Variants in AFAP1 observed in about 807,000 individuals in gnomAD.
The protein encoded by AFAP1 is actin filament-associated protein 1.
Under a neutral mutation model 93.9 loss-of-function variants are expected in AFAP1, and 75 were observed. That is an observed-to-expected ratio of 0.80 (90% CI 0.66 to 0.97). The LOEUF (loss-of-function observed/expected upper bound fraction) is 0.97, where lower values mean the gene tolerates loss of function less well. Among genes scored for constraint, AFAP1 ranks in the 50% least tolerant of loss-of-function variants. The pLI, the probability that AFAP1 is intolerant of heterozygous loss-of-function variation, is 0.00. For missense variants in AFAP1, 1,201 were observed against 1,050.8 expected, an observed-to-expected ratio of 1.14 and a Z score of -1.98; for synonymous variants, 517 against 430.7, an observed-to-expected ratio of 1.20 and a Z score of -2.48.
intron 8 of AFAP1, among the ~76,000 whole-genome samples, chr4:7,815,249 G>T (rs901342742): frequency 4.7e-5 from 7 of 150,278 alleles, no homozygotes; most frequent in South Asian, 2.1e-4. Context: ...AGGGGCTGGG[G>T]GAGGAGGGAA....
At chr4:7,878,381 C>T (rs902992993) in intron 1 of AFAP1, among the ~76,000 whole-genome samples, 1 of 152,216 alleles carries the variant, frequency 6.6e-6, no homozygotes, top group Admixed American at 6.5e-5. Context: ...CCAGTTTCCA[C>T]TGATGTATTC....
At chr4:7,883,699 T>C (rs1717981315) in intron 1 of AFAP1, among the ~76,000 whole-genome samples, 1 of 152,238 alleles carries the variant, frequency 6.6e-6, no homozygotes, top group Admixed American at 6.5e-5. Flanking sequence ...TATCATGGAA[T>C]ATCAGCACCC....
At chr4:7,826,294 T>G (rs973638818) in intron 6 of AFAP1, among the ~76,000 whole-genome samples, 3 of 152,192 alleles carry the variant, frequency 2.0e-5, no homozygotes, top group Admixed American at 1.3e-4. Context: ...GAAACAGAGT[T>G]TGGAGAGTCC....
At chr4:7,775,143 A>T in intron 14 of AFAP1, 1 of 456,578 alleles carries the variant, frequency 2.2e-6, no homozygotes, top group Non-Finnish European at 3.8e-6. Flanking sequence ...CGTGTCAAAA[A>T]AAAATTAGGT....
At chr4:7,791,357 C>G (rs551544323) in intron 11 of AFAP1, among the ~76,000 whole-genome samples, 3 of 152,286 alleles carry the variant, frequency 2.0e-5, no homozygotes, top group Non-Finnish European at 4.4e-5. Context: ...GTGAAAGATG[C>G]TGGAGCTGCA....
At position 7,886,700 on chromosome 4, in the gene AFAP1, CA is replaced by C. The variant is rs139317801; in HGVS notation, c.-2-14621del. On this transcript the variant is annotated intron_variant, in intron 1 of 17. Transcript: ENST00000420658. ...CTATTGTTCTGTAGAAGGCAAAAAA[CA>C]GGACCTAGATCTGGGTATGTTTTTT... Among the ~76,000 whole-genome samples the C allele has an allele frequency of 5.8e-3, 882 of 152,264 alleles. 6 individuals carry two copies. The highest frequency in any genetic ancestry group is 0.019 in the African/African-American group (777 of 41,552).
chr4:7,806,723 G>C (rs1719547093), intron 9 of AFAP1, among the ~76,000 whole-genome samples: 1 of 152,138 alleles, frequency 6.6e-6, no homozygotes. Flanking sequence ...CAAGGAATTA[G>C]ATGACAGCTT....
chr4:7,868,200 AG>A (rs1716641803), intron 3 of AFAP1, among the ~76,000 whole-genome samples: 1 of 152,200 alleles, frequency 6.6e-6, no homozygotes, highest in African/African-American at 2.4e-5. Flanking sequence ...TAACCCCAGA[AG>A]AAGTCTAACA....
chr4:7,912,273 C>T (rs1174773019), intron 1 of AFAP1, among the ~76,000 whole-genome samples: 1 of 152,170 alleles, frequency 6.6e-6, no homozygotes, highest in Non-Finnish European at 1.5e-5. Context: ...ATACATATGG[C>T]TTTTGTGTGA....
At chr4:7,769,156 G>A (rs1006567329) in intron 16 of AFAP1, 148 bp from the exon 17 acceptor site, 2 of 1,076,410 alleles carry the variant, frequency 1.9e-6, no homozygotes, top group Admixed American at 2.8e-5. Context: ...CACGTGGTCA[G>A]TGCCTCACCC....
At chr4:7,827,142 C>T (rs184831602) in intron 6 of AFAP1, among the ~76,000 whole-genome samples, 4 of 152,078 alleles carry the variant, frequency 2.6e-5, no homozygotes, top group African/African-American at 7.2e-5. Context: ...AGAAGAGGAC[C>T]CGTAAGCCCG....
At chr4:7,812,610 G>A (rs1720145407) in intron 8 of AFAP1, among the ~76,000 whole-genome samples, 1 of 152,068 alleles carries the variant, frequency 6.6e-6, no homozygotes, top group Admixed American at 6.5e-5. Context: ...AGAACGCTCA[G>A]CCCCCTGCAG....
Position 7,855,582 on chromosome 4 carries a change from A to G in AFAP1, c.226-8T>C. The G allele has an allele frequency of 6.3e-7, 1 of 1,594,092 alleles. No homozygotes were observed. The highest frequency in any genetic ancestry group is 8.6e-7 in the Non-Finnish European group (1 of 1,161,926). ...AGGCCCACTGTCAGGAGGCTGAGGAAGAAAGGAAAAGTGACACAGAAATTA... is the reference window on the plus strand; with the variant it reads ...AGGCCCACTGTCAGGAGGCTGAGGAGGAAAGGAAAAGTGACACAGAAATTA... On this transcript the variant is annotated splice_region_variant and splice_polypyrimidine_tract_variant and intron_variant, in intron 3 of 17. Transcript: ENST00000420658.
chr4:7,843,213 C>T lies in AFAP1; in HGVS notation c.472G>A (p.Ala158Thr). 1.2e-6 allele frequency: 2 copies of T among 1,614,182 alleles called. No individual in the cohort carries two copies. Among genetic ancestry groups the T allele is most frequent in the African/African-American group, 1.3e-5 (1 of 75,032 alleles). The change falls in exon 5 of 18, where the codon GCC (alanine) becomes ACC (threonine). Residue 158 changes from alanine to threonine, a missense_variant. Transcript: ENST00000420658. ...MDLVKDAKICAFLLRKKRFGQ... is the reference protein window; with the variant it reads ...MDLVKDAKICTFLLRKKRFGQ... ...AACCGCTTCTTCCGCAGCAGGAAGG[C>T]GCAGATTTTGGCGTCCTTGACCAGG...
At chr4:7,845,087 C>T (rs143284586) in intron 4 of AFAP1, among the ~76,000 whole-genome samples, 1 of 152,138 alleles carries the variant, frequency 6.6e-6, no homozygotes, top group Non-Finnish European at 1.5e-5. Flanking sequence ...CAGGGAGGAA[C>T]AGAAAGATTT....
At chr4:7,884,706 CAG>C (rs1467857512) in intron 1 of AFAP1, among the ~76,000 whole-genome samples, 2 of 152,100 alleles carry the variant, frequency 1.3e-5, no homozygotes, top group Non-Finnish European at 2.9e-5. Context: ...AAAACCCAAA[CAG>C]AAAAAAATGA....
At chr4:7,773,382 A>C in intron 15 of AFAP1, 1 of 208,802 alleles carries the variant, frequency 4.8e-6, no homozygotes, top group Non-Finnish European at 9.6e-6. Context: ...CGCTCCGCCG[A>C]TCCTTCAGTC....
chr4:7,889,633 C>G (rs1445112410), intron 1 of AFAP1, among the ~76,000 whole-genome samples: 69 of 145,002 alleles, frequency 4.8e-4, no homozygotes, highest in Non-Finnish European at 3.0e-5. Flanking sequence ...TAAAACTCAT[C>G]AAACTATTCT....
chr4:7,918,594 T>A (rs1281066557), intron 1 of AFAP1, among the ~76,000 whole-genome samples: 4 of 136,892 alleles, frequency 2.9e-5, no homozygotes, highest in Non-Finnish European at 6.2e-5. Flanking sequence ...CAAACAGGGC[T>A]GCCGGAAGAG....
Sources: gnomAD v4.1 joint callset for allele counts (sites outside exome capture counted in the v4.1 genomes callset) on GRCh38, gnomAD v4.1.1 for gene constraint, MANE v1.5 for transcripts, NCBI Gene and HGNC (gene_info 2026-07-23, HGNC 2026-07-21) for gene names.